RFT1: variants seen among roughly 807,000 people sequenced by gnomAD.
The protein encoded by RFT1 is RFT1 glycolipid translocator homolog, also known as man(5)GlcNAc(2)-PP-dolichol translocation protein RFT1.
Under a neutral mutation model 62.2 loss-of-function variants are expected in RFT1, and 43 were observed. The observed-to-expected ratio is 0.69, with a 90% confidence interval of 0.54 to 0.89. The LOEUF is 0.89. Among genes scored for constraint, RFT1 ranks in the 40% least tolerant of loss-of-function variants. The pLI is 0.00. For missense variants in RFT1, 605 were observed against 649.9 expected (o/e 0.93, Z 0.75); for synonymous variants, 262 against 264.6 (o/e 0.99, Z 0.10).
intron 3 of RFT1, 59 bp downstream of exon 3, chr3:53,123,665 T>C: frequency 7.4e-7 from 1 of 1,351,866 alleles, no homozygotes; most frequent in Non-Finnish European, 1.1e-6. Flanking sequence ...ACTGTTTCAT[T>C]TCCAATGCTC....
Position 53,116,871 on chromosome 3 carries a change from G to A in RFT1, c.696+3013C>T, listed in dbSNP as rs575983069. ...TGCCCGCTCAGCCTCCCAAAGTGCT[G>A]GGATTACAGGTGTGAGCCACCATGC... On this transcript the variant is annotated intron_variant, in intron 6 of 12. Coordinates refer to ENST00000296292, the MANE Select transcript of RFT1 (RefSeq NM_052859.4). Among the ~76,000 whole-genome samples, 23 of 152,326 alleles carry A rather than the reference G, an allele frequency of 1.5e-4. No homozygotes were observed. In the East Asian group the frequency reaches 4.0e-3, roughly 27 times the overall value.
chr3:53,091,630 TA>T lies in RFT1; in HGVS notation c.*272del, dbSNP rs1395767751. 4 of 466,624 alleles carry T rather than the reference TA, an allele frequency of 8.6e-6. No individual in the cohort carries two copies. Among genetic ancestry groups the T allele is most frequent in the African/African-American group, 7.8e-5 (4 of 50,980 alleles). 28.9% of individuals were successfully genotyped at this position (466,624 alleles called of 1,614,324 possible). Reference sequence around the variant, plus strand: ...TACGCAAAAGGAATGAGTATATTAGTAAAAGAGAAAATGCTGATTACTATAA... The same window carrying T: ...TACGCAAAAGGAATGAGTATATTAGTAAAGAGAAAATGCTGATTACTATAA... On this transcript the variant is annotated 3_prime_UTR_variant, in exon 13 of 13. Transcript: ENST00000296292.
At chr3:53,128,451 A>G (rs1359700058) in intron 1 of RFT1, among the ~76,000 whole-genome samples, 2 of 152,236 alleles carry the variant, frequency 1.3e-5, no homozygotes, top group East Asian at 1.9e-4. Flanking sequence ...TACGCCACCC[A>G]GTATTTGCCA....
intron 6 of RFT1, among the ~76,000 whole-genome samples, chr3:53,113,438 C>T (rs1701706886): frequency 6.6e-6 from 1 of 152,160 alleles, no homozygotes; most frequent in African/African-American, 2.4e-5. Context: ...TTACAAAGGC[C>T]AAGCCCACTC....
At chr3:53,106,903 C>T (rs1183593904) in intron 7 of RFT1, 34 bp from the exon 8 acceptor site, 6 of 1,479,652 alleles carry the variant, frequency 4.1e-6, no homozygotes, top group Non-Finnish European at 5.7e-6. Flanking sequence ...TTAGCAATGT[C>T]AAATGCACAT....
At chr3:53,081,173 A>G in the RFT1 span, among the ~76,000 whole-genome samples, 1 of 152,198 alleles carries the variant, frequency 6.6e-6, no homozygotes, top group African/African-American at 2.4e-5. Context: ...AAGCCAAGGG[A>G]AAGAAACGGT....
At chr3:53,116,609 C>CA (rs1167535087) in intron 6 of RFT1, among the ~76,000 whole-genome samples, 1 of 146,608 alleles carries the variant, frequency 6.8e-6, no homozygotes, top group African/African-American at 2.5e-5. Context: ...TTTTCTTTCT[C>CA]TTTTTTTTTT....
At chr3:53,119,857 G>T (rs747455427) in intron 6 of RFT1, 27 bp downstream of exon 6, 18 of 1,573,798 alleles carry the variant, frequency 1.1e-5, no homozygotes, top group Non-Finnish European at 1.6e-5. Flanking sequence ...TGATTAAAAT[G>T]ATAAGAGATA....
chr3:53,099,818 T>A (rs1259230248), intron 10 of RFT1, among the ~76,000 whole-genome samples: 1 of 152,152 alleles, frequency 6.6e-6, no homozygotes, highest in Non-Finnish European at 1.5e-5. Context: ...TGAAACCCCG[T>A]GTCTACCAAA....
intron 10 of RFT1, among the ~76,000 whole-genome samples, chr3:53,101,808 G>C (rs1231167898): frequency 6.6e-6 from 1 of 152,132 alleles, no homozygotes; most frequent in African/African-American, 2.4e-5. Flanking sequence ...AGGCTGAAGG[G>C]GGGCAGATCA....
intron 9 of RFT1, among the ~76,000 whole-genome samples, chr3:53,105,093 T>C (rs556562697): frequency 6.6e-6 from 1 of 152,276 alleles, no homozygotes; most frequent in African/African-American, 2.4e-5. Context: ...GGGACAGCTT[T>C]AGAGTCCTGA....
the RFT1 span, among the ~76,000 whole-genome samples, chr3:53,075,548 C>T: frequency 6.6e-6 from 1 of 152,144 alleles, no homozygotes; most frequent in Non-Finnish European, 1.5e-5. Flanking sequence ...CAGGAGCCTC[C>T]GACAATGCAT....
At chr3:53,120,520 G>A (rs577932990) in intron 5 of RFT1, among the ~76,000 whole-genome samples, 16 of 152,330 alleles carry the variant, frequency 1.1e-4, no homozygotes, top group African/African-American at 2.9e-4. Flanking sequence ...CTTCGCCAGG[G>A]CAAGAGCTAC....
At chr3:53,070,393 G>GGTTTTTTTT in the RFT1 span, among the ~76,000 whole-genome samples, 6 of 85,448 alleles carry the variant, frequency 7.0e-5, 2 homozygotes, top group Non-Finnish European at 1.1e-4. Context: ...CTGTATTATG[G>GGTTTTTTTT]TTTTTTTTTT....
chr3:53,099,256 AC>A, intron 11 of RFT1, 124 bp downstream of exon 11: 1 of 758,762 alleles, frequency 1.3e-6, no homozygotes, highest in Non-Finnish European at 2.3e-6. Flanking sequence ...ACACTGGTGG[AC>A]TAAGTGTTGC....
intron 7 of RFT1, 144 bp downstream of exon 7, chr3:53,111,686 C>T: frequency 1.4e-6 from 1 of 722,534 alleles, no homozygotes. Context: ...GTTTCTCTCT[C>T]CGTATTAAGC....
intron 1 of RFT1, 55 bp from the exon 2 acceptor site, chr3:53,126,049 TA>T: frequency 1.4e-6 from 2 of 1,384,798 alleles, no homozygotes; most frequent in Admixed American, 3.7e-5. Context: ...AGTGTTTACT[TA>T]GCTGAAATGA....
downstream of RFT1, among the ~76,000 whole-genome samples, chr3:53,084,099 A>G (rs1700809050): frequency 6.6e-6 from 1 of 152,228 alleles, no homozygotes. Context: ...TTCTCCCTGC[A>G]TGGCCCTGCC....
Position 53,125,914 on chromosome 3 carries a change from A to C in RFT1, c.144T>G (p.Asn48Lys). The C allele has an allele frequency of 6.2e-7, 1 of 1,613,428 alleles. No individual in the cohort carries two copies. Among genetic ancestry groups the C allele is most frequent in the Non-Finnish European group, 8.5e-7 (1 of 1,179,500 alleles). ...FLSKEIVGVV[N>K]VRLTLLYSTT... ...CAGGGTGCATCTCCTCCTACCTTAC[A>C]TTTACTACGCCAACGATTTCCTTTG... The change falls in exon 2 of 13, where the codon AAT (asparagine) becomes AAG (lysine). Residue 48 changes from asparagine (N) to lysine (K), a missense_variant. Transcript: ENST00000296292.
Sources: gnomAD v4.1 joint callset for allele counts (sites outside exome capture counted in the v4.1 genomes callset) on GRCh38, gnomAD v4.1.1 for gene constraint, MANE v1.5 for transcripts, NCBI Gene and HGNC (gene_info 2026-07-23, HGNC 2026-07-21) for gene names.